TENM3: variants seen among roughly 807,000 people sequenced by gnomAD.
TENM3 encodes teneurin transmembrane protein 3.
In TENM3, 63 loss-of-function variants were observed where a neutral mutation model predicts 255.1. That is an observed-to-expected ratio of 0.25 (90% CI 0.20 to 0.30). The LOEUF (loss-of-function observed/expected upper bound fraction) is 0.30, where lower values mean the gene tolerates loss of function less well. Among genes scored for constraint, TENM3 ranks in the 10% least tolerant of loss-of-function variants. The pLI, the probability that TENM3 is intolerant of heterozygous loss-of-function variation, is 1.00. For synonymous variants in TENM3, 1,306 were observed against 1,322.3 expected, an observed-to-expected ratio of 0.99 and a Z score of 0.27; for missense variants, 2,929 against 3,461.1, an observed-to-expected ratio of 0.85 and a Z score of 3.86.
At chr4:181,688,296 T>TA in the TENM3 span, among the ~76,000 whole-genome samples, 1 of 152,174 alleles carries the variant, frequency 6.6e-6, no homozygotes, top group Non-Finnish European at 1.5e-5. Flanking sequence ...TTTCTTTGCC[T>TA]AAGTCTAAGC....
the TENM3 span, among the ~76,000 whole-genome samples, chr4:181,598,945 G>A: frequency 5.9e-5 from 9 of 152,098 alleles, no homozygotes; most frequent in Non-Finnish European, 1.2e-4. Context: ...AAAATTTTCT[G>A]TCTTCTTTTA....
At chr4:182,026,246 C>G in the TENM3 span, among the ~76,000 whole-genome samples, 1 of 152,136 alleles carries the variant, frequency 6.6e-6, no homozygotes, top group African/African-American at 2.4e-5. Flanking sequence ...GGGTTGGTGC[C>G]ATTTGTAAGT....
chr4:181,453,413 A>G, the TENM3 span, among the ~76,000 whole-genome samples: 1 of 152,282 alleles, frequency 6.6e-6, no homozygotes, highest in South Asian at 2.1e-4. Flanking sequence ...GAAAGAGGAT[A>G]GTTGAGATGG....
At chr4:181,735,556 A>G in the TENM3 span, among the ~76,000 whole-genome samples, 1 of 152,230 alleles carries the variant, frequency 6.6e-6, no homozygotes, top group Non-Finnish European at 1.5e-5. Flanking sequence ...AAACCTTTAG[A>G]CATATATACA....
At chr4:181,997,245 G>C in the TENM3 span, among the ~76,000 whole-genome samples, 1 of 152,132 alleles carries the variant, frequency 6.6e-6, no homozygotes, top group Non-Finnish European at 1.5e-5. Context: ...CAGCAAAGAT[G>C]ATAGTGGCCA....
chr4:182,572,075 T>C (rs1201144716), intron 3 of TENM3, among the ~76,000 whole-genome samples: 1 of 152,156 alleles, frequency 6.6e-6, no homozygotes. Context: ...CTCATTTTTG[T>C]ATTTTTAGTA....
the TENM3 span, among the ~76,000 whole-genome samples, chr4:181,746,580 G>A: frequency 6.6e-6 from 1 of 151,930 alleles, no homozygotes; most frequent in African/African-American, 2.4e-5. Flanking sequence ...TTTTTCTTTG[G>A]CTGTATACTT....
chr4:182,264,145 A>G (rs758650369), intron 1 of TENM3, among the ~76,000 whole-genome samples: 7 of 152,210 alleles, frequency 4.6e-5, no homozygotes, highest in Non-Finnish European at 1.0e-4. Context: ...TCTCTTCTGT[A>G]AAGTTTTGAT....
chr4:182,270,904 T>TC (rs1326491547), intron 1 of TENM3, among the ~76,000 whole-genome samples: 1 of 152,072 alleles, frequency 6.6e-6, no homozygotes, highest in Non-Finnish European at 1.5e-5. Flanking sequence ...AATCGCATTA[T>TC]CCCTACATTC....
At position 182,791,673 on chromosome 4, in the gene TENM3, C is replaced by T. The variant is rs1362316857; in HGVS notation, c.5602-601C>T. 2.0e-5 allele frequency among the ~76,000 whole-genome samples: 3 copies of T among 152,124 alleles called. No homozygotes were observed. The East Asian group carries it at 5.8e-4, about 29-fold the overall frequency. ...GTATATATAATATTTCTATTAAGGGCATTTATAGCTCTCATTCACCATGTG... is the reference window on the plus strand; with the variant it reads ...GTATATATAATATTTCTATTAAGGGTATTTATAGCTCTCATTCACCATGTG... On this transcript the variant is annotated intron_variant, in intron 25 of 27. Transcript: ENST00000511685.
At chr4:181,636,772 G>C in the TENM3 span, among the ~76,000 whole-genome samples, 1 of 152,106 alleles carries the variant, frequency 6.6e-6, no homozygotes, top group Non-Finnish European at 1.5e-5. Context: ...TCAACGCAGC[G>C]ACCAAAGTAA....
At chr4:181,625,167 A>T in the TENM3 span, among the ~76,000 whole-genome samples, 1 of 152,108 alleles carries the variant, frequency 6.6e-6, no homozygotes, top group African/African-American at 2.4e-5. Context: ...GGATCCAGGG[A>T]TGGGAGGAAG....
intron 1 of TENM3, among the ~76,000 whole-genome samples, chr4:182,302,224 C>G (rs1400050598): frequency 6.6e-6 from 1 of 152,174 alleles, no homozygotes; most frequent in South Asian, 2.1e-4. Context: ...CACGCCCCAC[C>G]CCACCTGTTC....
the TENM3 span, among the ~76,000 whole-genome samples, chr4:181,559,657 T>C: frequency 6.6e-6 from 1 of 152,252 alleles, no homozygotes; most frequent in African/African-American, 2.4e-5. Flanking sequence ...TAGCTATTAC[T>C]AATATATTTA....
intron 4 of TENM3, among the ~76,000 whole-genome samples, chr4:182,615,808 G>A (rs998176396): frequency 1.3e-5 from 2 of 152,118 alleles, no homozygotes; most frequent in Admixed American, 6.6e-5. Flanking sequence ...AATGGATTGA[G>A]CGTTGTATAA....
At chr4:182,374,088 G>A (rs963684639) in intron 3 of TENM3, among the ~76,000 whole-genome samples, 3 of 152,058 alleles carry the variant, frequency 2.0e-5, no homozygotes, top group African/African-American at 7.2e-5. Flanking sequence ...CTACAGTCAC[G>A]TGTGAGTTTC....
At chr4:182,433,312 T>C (rs1025628009) in intron 3 of TENM3, among the ~76,000 whole-genome samples, 2 of 151,580 alleles carry the variant, frequency 1.3e-5, no homozygotes, top group African/African-American at 4.9e-5. Context: ...GAGATACGAG[T>C]TTGTGGAAGA....
the TENM3 span, among the ~76,000 whole-genome samples, chr4:181,662,950 A>G: frequency 6.6e-6 from 1 of 152,162 alleles, no homozygotes; most frequent in Non-Finnish European, 1.5e-5. Flanking sequence ...GATAAGGATA[A>G]AACTGCCATA....
At chr4:182,691,265 A>T (rs1756987673) in intron 12 of TENM3, among the ~76,000 whole-genome samples, 1 of 152,250 alleles carries the variant, frequency 6.6e-6, no homozygotes, top group South Asian at 2.1e-4. Flanking sequence ...TGGCTGAAAG[A>T]AGCTGCCACT....
Sources: gnomAD v4.1 joint callset for allele counts (sites outside exome capture counted in the v4.1 genomes callset) on GRCh38, gnomAD v4.1.1 for gene constraint, MANE v1.5 for transcripts, NCBI Gene and HGNC (gene_info 2026-07-23, HGNC 2026-07-21) for gene names.